The following LINGO2 variants were observed in gnomAD, a reference collection of about 807,000 sequenced individuals.
LINGO2 encodes the protein leucine-rich repeat and immunoglobulin-like domain-containing nogo receptor-interacting protein 2.
Under a neutral mutation model 30.6 loss-of-function variants are expected in LINGO2, and 14 were observed. That is an observed-to-expected ratio of 0.46 (90% CI 0.30 to 0.72). LINGO2 has a LOEUF of 0.72. LINGO2 is among the 30% of genes least tolerant of loss of function. LINGO2 has a pLI of 0.07. For missense variants in LINGO2, 729 were observed against 751.7 expected (o/e 0.97, Z 0.35); for synonymous variants, 317 against 288.5 (o/e 1.10, Z -1.00).
At chr9:29,174,793 A>G in the LINGO2 span, among the ~76,000 whole-genome samples, 1 of 152,226 alleles carries the variant, frequency 6.6e-6, no homozygotes, top group African/African-American at 2.4e-5. Flanking sequence ...TCAGATGCCT[A>G]TGGTGTCTAC....
At position 28,167,512 on chromosome 9, in the gene LINGO2, C is replaced by T. The variant is rs531237537; in HGVS notation, c.-87+127696G>A. On this transcript the variant is annotated intron_variant, in intron 4 of 5. Transcript: ENST00000379992. ...TCTCATGCCTCAACCTCCTGAGTAG[C>T]TGTGATTATAAGCATGTGCCACCAC... Among the ~76,000 whole-genome samples the T allele has an allele frequency of 2.6e-5, 4 of 152,316 alleles. No homozygotes were observed. In the South Asian group the frequency reaches 8.3e-4, roughly 32 times the overall value.
chr9:29,060,450 A>G, the LINGO2 span, among the ~76,000 whole-genome samples: 2 of 152,056 alleles, frequency 1.3e-5, no homozygotes, highest in African/African-American at 4.8e-5. Context: ...ACTAAAAATA[A>G]GTATTCTTCA....
intron 5 of LINGO2, among the ~76,000 whole-genome samples, chr9:27,953,385 A>C (rs1481887401): frequency 6.6e-6 from 1 of 152,184 alleles, no homozygotes; most frequent in Non-Finnish European, 1.5e-5. Context: ...GTAGGAATTT[A>C]GTTATATAAG....
At chr9:28,590,147 A>T (rs1412193121) in intron 1 of LINGO2, among the ~76,000 whole-genome samples, 1 of 152,166 alleles carries the variant, frequency 6.6e-6, no homozygotes, top group African/African-American at 2.4e-5. Context: ...CTTATACAAA[A>T]ATTAATTCAA....
At chr9:29,125,692 G>GA in the LINGO2 span, among the ~76,000 whole-genome samples, 2 of 152,146 alleles carry the variant, frequency 1.3e-5, no homozygotes, top group African/African-American at 4.8e-5. Flanking sequence ...GTTACTAAGT[G>GA]AAAATAAATC....
chr9:28,384,932 T>A (rs1031618466), intron 2 of LINGO2, among the ~76,000 whole-genome samples: 2 of 152,156 alleles, frequency 1.3e-5, no homozygotes, highest in African/African-American at 4.8e-5. Flanking sequence ...TGTTTTCTTG[T>A]ATCCAATGTT....
chr9:29,165,653 G>GA, the LINGO2 span, among the ~76,000 whole-genome samples: 1 of 151,538 alleles, frequency 6.6e-6, no homozygotes, highest in Non-Finnish European at 1.5e-5. Flanking sequence ...AATTGCAGGA[G>GA]AAAAAAAATC....
the LINGO2 span, among the ~76,000 whole-genome samples, chr9:28,927,929 T>G: frequency 5.3e-5 from 8 of 152,316 alleles, no homozygotes; most frequent in South Asian, 1.7e-3. Context: ...CCAGGTAAAT[T>G]GTCTGTGCTC....
chr9:29,189,181 GC>G, the LINGO2 span, among the ~76,000 whole-genome samples: 1 of 147,144 alleles, frequency 6.8e-6, no homozygotes, highest in Non-Finnish European at 1.5e-5. Context: ...GGGGCGGCTG[GC>G]CAGGCAGAGG....
chr9:29,049,545 C>A, the LINGO2 span, among the ~76,000 whole-genome samples: 1 of 152,176 alleles, frequency 6.6e-6, no homozygotes, highest in Middle Eastern at 3.4e-3. Flanking sequence ...TTGGAAGCAA[C>A]CTAAGTGTCC....
the LINGO2 span, among the ~76,000 whole-genome samples, chr9:29,159,732 C>T: frequency 6.6e-6 from 1 of 151,676 alleles, no homozygotes; most frequent in Non-Finnish European, 1.5e-5. Context: ...GTGGTGGGCG[C>T]CAGTAATCCC....
intron 4 of LINGO2, among the ~76,000 whole-genome samples, chr9:28,127,477 T>C (rs1000526494): frequency 4.6e-5 from 7 of 152,210 alleles, no homozygotes; most frequent in African/African-American, 1.4e-4. Flanking sequence ...TACTACATAC[T>C]ACCCTAAAGA....
intron 4 of LINGO2, among the ~76,000 whole-genome samples, chr9:28,293,538 T>C (rs1823814036): frequency 6.6e-6 from 1 of 152,174 alleles, no homozygotes; most frequent in Non-Finnish European, 1.5e-5. Flanking sequence ...ACCTATGCAG[T>C]TGAAAAGAAT....
At chr9:28,710,805 T>TA in the LINGO2 span, among the ~76,000 whole-genome samples, 4 of 152,054 alleles carry the variant, frequency 2.6e-5, no homozygotes, top group Admixed American at 6.6e-5. Flanking sequence ...CCATTAGATT[T>TA]AAAAAAATAT....
chr9:28,659,065 T>C (rs976550561), intron 1 of LINGO2, among the ~76,000 whole-genome samples: 4 of 152,098 alleles, frequency 2.6e-5, no homozygotes, highest in Non-Finnish European at 5.9e-5. Flanking sequence ...GGTCTAAAAT[T>C]ATGCTACAAT....
intron 4 of LINGO2, among the ~76,000 whole-genome samples, chr9:28,175,276 C>T (rs1360491263): frequency 4.6e-5 from 7 of 152,006 alleles, no homozygotes; most frequent in Admixed American, 2.0e-4. Context: ...CTTTCTCAGG[C>T]AAATGCAGGT....
At chr9:28,715,606 G>C in the LINGO2 span, among the ~76,000 whole-genome samples, 8 of 151,984 alleles carry the variant, frequency 5.3e-5, no homozygotes, top group East Asian at 1.2e-3. Context: ...AAATAAATAG[G>C]TTTAGTAAAA....
At chr9:28,372,531 T>C (rs1397895125) in intron 3 of LINGO2, among the ~76,000 whole-genome samples, 1 of 152,144 alleles carries the variant, frequency 6.6e-6, no homozygotes, top group East Asian at 1.9e-4. Flanking sequence ...ATGATGATAG[T>C]CAAAGGGTAC....
the LINGO2 span, among the ~76,000 whole-genome samples, chr9:28,783,690 A>C: frequency 1.3e-4 from 20 of 152,244 alleles, no homozygotes; most frequent in Non-Finnish European, 2.5e-4. Flanking sequence ...AAGACAAAAG[A>C]GAAAGTAAAG....
Sources: gnomAD v4.1 joint callset for allele counts (sites outside exome capture counted in the v4.1 genomes callset) on GRCh38, gnomAD v4.1.1 for gene constraint, MANE v1.5 for transcripts, NCBI Gene and HGNC (gene_info 2026-07-23, HGNC 2026-07-21) for gene names.